MIGA2: variants seen among roughly 807,000 people sequenced by gnomAD.
The protein encoded by MIGA2 is family with sequence similarity 73, member B.
Under a neutral mutation model 69.9 loss-of-function variants are expected in MIGA2, and 36 were observed. The observed-to-expected ratio is 0.52, with a 90% CI of 0.39 to 0.68. MIGA2 has a LOEUF of 0.68. MIGA2 is among the 30% of genes least tolerant of loss of function. The pLI is 0.00. For missense variants in MIGA2, 660 were observed against 787.7 expected (o/e 0.84, Z 1.94); for synonymous variants, 333 against 349.2 (o/e 0.95, Z 0.52).
At chr9:129,045,000 C>G (rs1471301198) in intron 3 of MIGA2, among the ~76,000 whole-genome samples, 1 of 151,750 alleles carries the variant, frequency 6.6e-6, no homozygotes, top group African/African-American at 2.4e-5. Flanking sequence ...GAGTTTGAGA[C>G]CAGCCTGGCC....
At chr9:129,043,762 A>G (rs1349278627) in intron 3 of MIGA2, among the ~76,000 whole-genome samples, 1 of 150,374 alleles carries the variant, frequency 6.7e-6, no homozygotes, top group Non-Finnish European at 1.5e-5. Context: ...GTGCTGTGGC[A>G]TGATCTTGGC....
chr9:129,059,031 A>G lies in MIGA2; in HGVS notation c.676-123A>G. On this transcript the variant is annotated intron_variant, in intron 6 of 15. Transcript: ENST00000684074. The surrounding 1 kb of genome is among the most constrained non-coding windows in gnomAD (Gnocchi z 5.6). ...ATCGAGCAGTGAAGTTTTGGAGTTT[A>G]TGTGCTTAGCTGCTGGGTCCTAGAG... The G allele has an allele frequency of 1.3e-6, 1 of 764,302 alleles. No homozygotes were observed. Among genetic ancestry groups the G allele is most frequent in the Non-Finnish European group, 2.2e-6 (1 of 462,168 alleles). The allele number at this position is 764,302 out of a possible 1,614,324, so 47.3% of individuals were successfully genotyped here.
chr9:129,039,552 T>TTTATTA (rs1027309142), intron 1 of MIGA2, among the ~76,000 whole-genome samples: 4 of 150,334 alleles, frequency 2.7e-5, no homozygotes, highest in African/African-American at 4.9e-5. Flanking sequence ...GCTTCTTTAT[T>TTTATTA]TTATTATTAT....
Position 129,069,602 on chromosome 9 carries a change from G to A in MIGA2, c.1459-247G>A. 1 of 565,940 alleles carries A rather than the reference G, an allele frequency of 1.8e-6. No homozygotes were observed. Among genetic ancestry groups the A allele is most frequent in the South Asian group, 2.0e-5 (1 of 50,232 alleles). The allele number at this position is 565,940 out of a possible 1,614,324, so 35.1% of individuals were successfully genotyped here. A position where few individuals can be genotyped will look rare whatever the true frequency, so the allele number is the denominator to read the frequency against. ...CTGATACCAGCTGCCGTGGCCACGTGCTCCAGGCACTTCCCGCGGAGCCAC... is the reference window on the plus strand; with the variant it reads ...CTGATACCAGCTGCCGTGGCCACGTACTCCAGGCACTTCCCGCGGAGCCAC... On this transcript the variant is annotated intron_variant, in intron 14 of 15. Coordinates refer to ENST00000684074, the MANE Select transcript of MIGA2 (RefSeq NM_001329990.2). The surrounding 1 kb of genome is among the most constrained non-coding windows in gnomAD (Gnocchi z 4.9).
intron 11 of MIGA2, among the ~76,000 whole-genome samples, chr9:129,065,971 T>G (rs1042427434): frequency 6.6e-6 from 1 of 152,234 alleles, no homozygotes; most frequent in Non-Finnish European, 1.5e-5. Flanking sequence ...AGAACTCTCC[T>G]GGCACAGATG....
chr9:129,070,123 G>A, intron 15 of MIGA2, 124 bp from the exon 16 acceptor site: 1 of 1,285,948 alleles, frequency 7.8e-7, no homozygotes, highest in South Asian at 1.3e-5. Context: ...GTGGGAGGGA[G>A]GAGCCTGGGG....
At chr9:129,058,857 T>C (rs1845924700) in intron 6 of MIGA2, among the ~76,000 whole-genome samples, 1 of 152,194 alleles carries the variant, frequency 6.6e-6, no homozygotes, top group African/African-American at 2.4e-5. Flanking sequence ...ATGTCCAGTA[T>C]GTGATCATTT....
chr9:129,054,708 A>G (rs1182248701), intron 6 of MIGA2, among the ~76,000 whole-genome samples: 1 of 152,208 alleles, frequency 6.6e-6, no homozygotes, highest in Non-Finnish European at 1.5e-5. Flanking sequence ...TTTCTGTTGT[A>G]TAGATGGACC....
rs1251477459 is a variant in MIGA2 at position 129,070,413 on chromosome 9, C to T, written c.1742C>T (p.Ala581Val). 3.1e-6 allele frequency: 5 copies of T among 1,604,660 alleles called. No homozygotes were observed. The highest frequency in any genetic ancestry group is 1.7e-5 in the Admixed American group (1 of 59,504). Residue 581 changes from alanine to valine, a missense_variant, in exon 16 of 16, where the codon GCG becomes GTG. Ala to Val is a moderately conservative substitution (Grantham distance 64). Around this residue, in one of 3 missense-constraint regions of MIGA2, gnomAD observed 220 missense variants for 301.7 expected, o/e 0.73. Transcript: ENST00000684074. ...GCCAGCAGCGCAGGCGTGAATGGGG[C>T]GCTGCCCCGAGAGAATGGGCCCCTG... is the stretch of plus-strand genomic sequence containing the variant. ...PAASSAGVNG[A>V]LPRENGPLGE...
rs761948206 is a variant in MIGA2, at chr9:129,070,433, C to T, written c.1762C>T (p.Pro588Ser). ...VNGALPRENG[P>S]LGELQ Reference sequence around the variant, plus strand: ...TGGGGCGCTGCCCCGAGAGAATGGGCCCCTGGGGGAGCTGCAGTAGAGGCG... The same window carrying T: ...TGGGGCGCTGCCCCGAGAGAATGGGTCCCTGGGGGAGCTGCAGTAGAGGCG... The change falls in exon 16 of 16, where the codon CCC (proline) becomes TCC (serine). Residue 588 changes from proline to serine, a missense_variant. By Grantham distance (74) the Pro-to-Ser change is moderately conservative. Around this residue, in one of 3 missense-constraint regions of MIGA2, gnomAD observed 220 missense variants for 301.7 expected, o/e 0.73. Transcript: ENST00000684074. 4 of 1,590,592 alleles carry T rather than the reference C, an allele frequency of 2.5e-6. No homozygotes were observed. Among genetic ancestry groups the T allele is most frequent in the East Asian group, 2.3e-5 (1 of 44,356 alleles).
intron 4 of MIGA2, 86 bp downstream of exon 4, chr9:129,048,625 G>A (rs1386646330): frequency 4.9e-6 from 5 of 1,016,672 alleles, no homozygotes; most frequent in Non-Finnish European, 6.1e-6. Flanking sequence ...TTATAGACTG[G>A]TAGAGTCCAT....
intron 1 of MIGA2, among the ~76,000 whole-genome samples, chr9:129,038,242 C>T (rs928188869): frequency 6.6e-6 from 1 of 152,200 alleles, no homozygotes; most frequent in South Asian, 2.1e-4. Flanking sequence ...CTCACACACC[C>T]CCACCAGCCC....
intron 15 of MIGA2, 28 bp from the exon 16 acceptor site, chr9:129,070,214 GGGCCA>G (rs1489976304): frequency 6.3e-7 from 1 of 1,597,678 alleles, no homozygotes; most frequent in Non-Finnish European, 8.6e-7. Context: ...GGCAGTGGCT[GGGCCA>G]GGCCTGACAC....
rs534075440 is a variant in MIGA2 at position 129,059,633 on chromosome 9, C to T, written c.793+362C>T. Among the ~76,000 whole-genome samples the T allele has an allele frequency of 2.0e-5, 3 of 152,320 alleles. No individual in the cohort carries two copies. Among genetic ancestry groups the T allele is most frequent in the African/African-American group, 7.2e-5 (3 of 41,576 alleles). On this transcript the variant is annotated intron_variant, in intron 7 of 15. Coordinates refer to ENST00000684074, the MANE Select transcript of MIGA2 (RefSeq NM_001329990.2). This position sits in a 1 kb window ranked among gnomAD's most constrained non-coding sequence, Gnocchi z 5.6. ...CAAACTGGGTGGGTGGATGGAGTGA[C>T]TCACGGGAGGTTCACTCAGAGCAGG...
Position 129,069,125 on chromosome 9 carries a change from T to C in MIGA2, c.1454T>C (p.Leu485Pro). The change falls in exon 14 of 16, where the codon CTG becomes CCG. Residue 485 changes from leucine (L) to proline (P), a missense_variant. Transcript: ENST00000684074. This position sits in a 1 kb window ranked among gnomAD's most constrained non-coding sequence, Gnocchi z 4.9. ...WSVLKAKRRL[L>P]MVPDGFISHF... is the part of the protein sequence containing the mutation. ...GTCCTGAAAGCCAAGAGGAGGCTGCTGATGGTGAGTGACTGGCAGGCCCGG... is the reference window on the plus strand; with the variant it reads ...GTCCTGAAAGCCAAGAGGAGGCTGCCGATGGTGAGTGACTGGCAGGCCCGG... 1.2e-6 allele frequency: 2 copies of C among 1,613,944 alleles called. No homozygotes were observed. Among genetic ancestry groups the C allele is most frequent in the Non-Finnish European group, 1.7e-6 (2 of 1,179,950 alleles).
rs1213556816 is a variant in MIGA2, at chr9:129,040,381, T to C, written c.-143-71T>C. 15 of 1,154,628 alleles carry C rather than the reference T, an allele frequency of 1.3e-5. No individual in the cohort carries two copies. The Admixed American group carries it at 5.4e-4, about 42-fold the overall frequency. 71.5% of individuals were successfully genotyped at this position (1,154,628 alleles called of 1,614,324 possible). ...CTCCTGCCTCCTCCCCCATGGACGC[T>C]CTTCTTGAGTGCATTTCTGCATGTT... On this transcript the variant is annotated intron_variant, in intron 1 of 15. Transcript: ENST00000684074.
chr9:129,070,551 CTT>C lies in MIGA2; in HGVS notation c.*100_*101del. The C allele has an allele frequency of 7.6e-7, 1 of 1,315,188 alleles. No homozygotes were observed. The highest frequency in any genetic ancestry group is 1.5e-5 in the African/African-American group (1 of 67,412). 81.5% of individuals were successfully genotyped at this position (1,315,188 alleles called of 1,614,324 possible). ...GGTGGCTGAGGGCCGTTGCCCCTGA[CTT>C]TGCCCCACCCCCATCATCTGGGAGT... On this transcript the variant is annotated 3_prime_UTR_variant, in exon 16 of 16. Transcript: ENST00000684074.
intron 3 of MIGA2, among the ~76,000 whole-genome samples, chr9:129,043,384 C>CTTTT (rs60096838): frequency 3.9e-5 from 5 of 128,336 alleles, no homozygotes; most frequent in African/African-American, 6.0e-5. Flanking sequence ...TCTGTTCTCT[C>CTTTT]TTTTTTTTTT....
chr9:129,049,902 G>A lies in MIGA2; in HGVS notation c.614G>A (p.Ser205Asn). 1 of 1,613,854 alleles carries A rather than the reference G, an allele frequency of 6.2e-7. No homozygotes were observed. Among genetic ancestry groups the A allele is most frequent in the Non-Finnish European group, 8.5e-7 (1 of 1,180,022 alleles). ...GTGGGCCAGCGGGGGGACAGCGGCA[G>A]CACCCCCATGCCCAGGGACGGCCTC... is the stretch of plus-strand genomic sequence containing the variant. ...LSVGQRGDSGSTPMPRDGLRN... is the reference protein window; with the variant it reads ...LSVGQRGDSGNTPMPRDGLRN... The change falls in exon 6 of 16, where the codon AGC becomes AAC. Residue 205 changes from serine to asparagine, a missense_variant. By Grantham distance (46) the Ser-to-Asn change is conservative (BLOSUM62 1). This residue lies in a region of MIGA2 where 386 missense variants were observed against 402.0 expected (regional missense o/e 0.96). Transcript: ENST00000684074.
Sources: gnomAD v4.1 joint callset for allele counts (sites outside exome capture counted in the v4.1 genomes callset) on GRCh38, gnomAD v4.1.1 for gene constraint, gnomAD v4.1.1 regional missense constraint, Gnocchi (gnomAD v3.1) non-coding constraint, MANE v1.5 for transcripts, NCBI Gene and HGNC (gene_info 2026-07-23, HGNC 2026-07-21) for gene names.